KDM5A: variants seen among roughly 807,000 people sequenced by gnomAD.
KDM5A encodes the protein lysine demethylase 5A, also known as lysine-specific demethylase 5A.
A neutral mutation model predicts 193.5 loss-of-function variants in KDM5A; 42 were observed. The ratio of observed to expected loss-of-function variants is 0.22; its 90% CI spans 0.17 to 0.28. The LOEUF is 0.28. KDM5A is among the 10% of genes least tolerant of loss of function. The probability of loss-of-function intolerance (pLI) is 1.00; values close to 1 mark genes in which losing one functional copy is unlikely to be tolerated. For missense variants in KDM5A, 1,692 were observed against 2,055.1 expected, an observed-to-expected ratio of 0.82 and a Z score of 3.42; for synonymous variants, 796 against 718.1, an observed-to-expected ratio of 1.11 and a Z score of -1.73.
intron 18 of KDM5A, among the ~76,000 whole-genome samples, chr12:320,536 C>T (rs938192735): frequency 1.3e-5 from 2 of 151,942 alleles, no homozygotes; most frequent in Non-Finnish European, 2.9e-5. Context: ...TTTTAGACAC[C>T]CTACCCACCC....
intron 15 of KDM5A, 24 bp from the exon 16 acceptor site, chr12:323,230 A>AAAAAAAAAAAAAAAAAAAAAAAAAAAAC: frequency 2.0e-6 from 3 of 1,504,742 alleles, no homozygotes; most frequent in Non-Finnish European, 1.8e-6. Flanking sequence ...AAAAAAAAAA[A>AAAAAAAAAAAAAAAAAAAAAAAAAAAAC]AAAAAAAAAG....
intron 13 of KDM5A, among the ~76,000 whole-genome samples, chr12:329,772 C>A (rs1943838762): frequency 6.6e-6 from 1 of 152,030 alleles, no homozygotes; most frequent in South Asian, 2.1e-4. Flanking sequence ...TATCAAGCTA[C>A]AAACCAAATT....
rs147831358 is a variant in KDM5A, at chr12:290,218, A to G, written c.4866+2541T>C. Among the ~76,000 whole-genome samples the G allele has an allele frequency of 2.5e-3, 375 of 152,330 alleles. 3 individuals carry two copies. The highest frequency in any genetic ancestry group is 2.8e-3 in the Non-Finnish European group (193 of 68,028). On this transcript the variant is annotated intron_variant, in intron 27 of 27. Coordinates refer to ENST00000399788, the MANE Select transcript of KDM5A (RefSeq NM_001042603.3). ...CACTGAGAAAGTTTTAACATTCTTT[A>G]CAGAAATTTTTATAGAACTGTAACT...
chr12:380,889 G>A lies in KDM5A; in HGVS notation c.366+3142C>T, dbSNP rs183476756. Among the ~76,000 whole-genome samples, 9 of 152,096 alleles carry A rather than the reference G, an allele frequency of 5.9e-5. No individual in the cohort carries two copies. The East Asian group carries it at 7.8e-4, about 13-fold the overall frequency. ...CAACTCACTGCAACCTCTGCCTCCC[G>A]GTTTCAAGTGATTTCCTACCTCAGC... On this transcript the variant is annotated intron_variant, in intron 3 of 27. Coordinates refer to ENST00000399788, the MANE Select transcript of KDM5A (RefSeq NM_001042603.3).
chr12:291,887 A>G (rs980244709), intron 27 of KDM5A, among the ~76,000 whole-genome samples: 14 of 151,080 alleles, frequency 9.3e-5, no homozygotes, highest in African/African-American at 3.4e-4. Flanking sequence ...AGGGTTGGAA[A>G]TTTTAAAACA....
At chr12:299,289 A>T (rs181069546) in intron 24 of KDM5A, among the ~76,000 whole-genome samples, 1 of 152,338 alleles carries the variant, frequency 6.6e-6, no homozygotes, top group East Asian at 1.9e-4. Flanking sequence ...TGTTAAGGGC[A>T]GCCAGAGAGA....
chr12:388,881 TCCC>T (rs1241667259), intron 1 of KDM5A, 43 bp downstream of exon 1: 2 of 1,594,386 alleles, frequency 1.3e-6, no homozygotes, highest in Non-Finnish European at 1.7e-6. Context: ...GTGTACGGAC[TCCC>T]CCATTCTTCC....
intron 24 of KDM5A, among the ~76,000 whole-genome samples, chr12:303,030 G>C (rs1169232766): frequency 6.6e-6 from 1 of 152,184 alleles, no homozygotes; most frequent in Non-Finnish European, 1.5e-5. Context: ...ATGCTACAGA[G>C]GATGTGGAGA....
At chr12:370,623 T>G (rs1944415382) in intron 3 of KDM5A, among the ~76,000 whole-genome samples, 1 of 152,108 alleles carries the variant, frequency 6.6e-6, no homozygotes, top group Admixed American at 6.6e-5. Context: ...TTTTTTTTTT[T>G]TAATTATACT....
intron 24 of KDM5A, among the ~76,000 whole-genome samples, chr12:301,841 A>C (rs1331328499): frequency 6.6e-6 from 1 of 151,924 alleles, no homozygotes; most frequent in Non-Finnish European, 1.5e-5. Flanking sequence ...ATATAAAATC[A>C]ATGTGCAAAA....
chr12:367,288 C>T (rs1944369626), intron 3 of KDM5A, among the ~76,000 whole-genome samples: 1 of 152,178 alleles, frequency 6.6e-6, no homozygotes, highest in African/African-American at 2.4e-5. Flanking sequence ...TAGTGGCTCA[C>T]ATCTGTAATT....
chr12:384,241 A>T, intron 2 of KDM5A, 88 bp from the exon 3 acceptor site: 1 of 961,742 alleles, frequency 1.0e-6, no homozygotes, highest in Non-Finnish European at 1.7e-6. Context: ...CAGGATGTGG[A>T]CCAGTACCCA....
In KDM5A at chr12:295,663, C is replaced by T; in HGVS notation, c.4365G>A (p.Leu1455=). The change falls in exon 26 of 28, where the codon CTG becomes CTA. Residue 1455 remains leucine (L), a synonymous_variant. Transcript: ENST00000399788. ...GTTGAGTCTCGTCCAGAGATACTTC[C>T]AGGAGATCTCCAACCATCATAAGTT... ...LEELMMVGDL[L]EVSLDETQHI... is the part of the protein sequence containing the mutation. The T allele has an allele frequency of 6.2e-7, 1 of 1,614,096 alleles. No individual in the cohort carries two copies. Among genetic ancestry groups the T allele is most frequent in the Non-Finnish European group, 8.5e-7 (1 of 1,180,004 alleles).
Position 283,266 on chromosome 12 carries a change from A to G in KDM5A, c.*2190T>C. 4.3e-6 allele frequency: 1 copy of G among 231,990 alleles called. No homozygotes were observed. The highest frequency in any genetic ancestry group is 6.1e-5 in the East Asian group (1 of 16,268). 14.4% of individuals were successfully genotyped at this position (231,990 alleles called of 1,614,324 possible). A position where few individuals can be genotyped will look rare whatever the true frequency, so the allele number is the denominator to read the frequency against. On this transcript the variant is annotated 3_prime_UTR_variant, in exon 28 of 28. Transcript: ENST00000399788. The stretch of plus-strand genomic sequence containing the variant: ...GGCAAAAAATATTGTGCTTTCTTGT[A>G]TAACATCAACCAGAGGAAATTCTTA...
At chr12:330,938 G>GTC (rs1347570052) in intron 13 of KDM5A, among the ~76,000 whole-genome samples, 7 of 152,030 alleles carry the variant, frequency 4.6e-5, no homozygotes, top group Non-Finnish European at 8.8e-5. Context: ...ATACTGTATA[G>GTC]TCTTCTCCCA....
At chr12:296,974 T>C in intron 25 of KDM5A, 67 bp downstream of exon 25, 1 of 1,505,614 alleles carries the variant, frequency 6.6e-7, no homozygotes, top group South Asian at 1.1e-5. Context: ...ACAGTCTTGA[T>C]TAACATAATG....
rs1359601587 is a variant in KDM5A at position 306,866 on chromosome 12, T to C, written c.4074+80A>G. On this transcript the variant is annotated intron_variant, in intron 24 of 27. Transcript: ENST00000399788. Reference sequence around the variant, plus strand: ...CTCTTTCACTTTCAGGCCTCAAACATCACTGTTCAATAGCTTTTTTTTTTT... The same window carrying C: ...CTCTTTCACTTTCAGGCCTCAAACACCACTGTTCAATAGCTTTTTTTTTTT... The C allele has an allele frequency of 2.2e-6, 3 of 1,368,872 alleles. No homozygotes were observed. The Admixed American group carries it at 5.1e-5, about 23-fold the overall frequency. 84.8% of individuals were successfully genotyped at this position (1,368,872 alleles called of 1,614,324 possible). A position where few individuals can be genotyped will look rare whatever the true frequency, so the allele number is the denominator to read the frequency against.
intron 14 of KDM5A, 64 bp from the exon 15 acceptor site, chr12:323,845 G>C: frequency 1.5e-6 from 2 of 1,351,520 alleles, no homozygotes; most frequent in Non-Finnish European, 2.1e-6. Flanking sequence ...AAAAACTTAA[G>C]TTACTACATT....
intron 3 of KDM5A, among the ~76,000 whole-genome samples, chr12:375,071 C>G (rs926582362): frequency 4.6e-5 from 7 of 152,168 alleles, no homozygotes; most frequent in African/African-American, 1.7e-4. Flanking sequence ...TGCTCTTCTC[C>G]AGGAGTATCT....
Sources: allele counts gnomAD v4.1 joint callset (sites outside exome capture counted in the v4.1 genomes callset), GRCh38; gene constraint gnomAD v4.1.1; transcripts MANE v1.5; gene names NCBI Gene and HGNC (gene_info 2026-07-23, HGNC 2026-07-21).